CYP2J2: variants seen among roughly 807,000 people sequenced by gnomAD.
CYP2J2 encodes the protein cytochrome P450 family 2 subfamily J member 2.
A neutral mutation model predicts 48.8 loss-of-function variants in CYP2J2; 41 were observed. The ratio of observed to expected loss-of-function variants is 0.84; its 90% CI spans 0.66 to 1.09. The LOEUF (loss-of-function observed/expected upper bound fraction) is 1.09. Among genes scored for constraint, CYP2J2 ranks in the 50% least tolerant of loss-of-function variants. The probability of loss-of-function intolerance (pLI) is 0.00; values close to 1 mark genes in which losing one functional copy is unlikely to be tolerated. For synonymous variants in CYP2J2, 221 were observed against 227.1 expected (o/e 0.97, Z 0.24); for missense variants, 644 against 617.3 (o/e 1.04, Z -0.46).
the CYP2J2 span, among the ~76,000 whole-genome samples, chr1:59,962,208 T>C: frequency 1.3e-5 from 2 of 152,218 alleles, no homozygotes; most frequent in African/African-American, 4.8e-5. Context: ...AAATTTATCA[T>C]ACAGAAATTG....
chr1:59,923,282 G>C (rs1031686715), intron 1 of CYP2J2, among the ~76,000 whole-genome samples: 2 of 152,214 alleles, frequency 1.3e-5, no homozygotes, highest in Non-Finnish European at 2.9e-5. Context: ...TTTATAACCT[G>C]CATTGATATT....
chr1:59,915,500 C>T (rs1446563401), intron 2 of CYP2J2, among the ~76,000 whole-genome samples: 1 of 152,072 alleles, frequency 6.6e-6, no homozygotes, highest in Non-Finnish European at 1.5e-5. Flanking sequence ...TATCATAGAC[C>T]AGAAGGCTCA....
At chr1:59,921,587 G>T (rs1395319065) in intron 1 of CYP2J2, among the ~76,000 whole-genome samples, 1 of 151,900 alleles carries the variant, frequency 6.6e-6, no homozygotes, top group African/African-American at 2.4e-5. Flanking sequence ...ATCTTGCCAC[G>T]GCTCTTCTAG....
At chr1:59,942,909 G>A in the CYP2J2 span, among the ~76,000 whole-genome samples, 1 of 152,150 alleles carries the variant, frequency 6.6e-6, no homozygotes, top group Non-Finnish European at 1.5e-5. Flanking sequence ...TCTGAAGTAG[G>A]TACTCTTATG....
upstream of CYP2J2, among the ~76,000 whole-genome samples, chr1:59,931,181 A>G (rs970672203): frequency 1.3e-5 from 2 of 152,194 alleles, no homozygotes; most frequent in African/African-American, 4.8e-5. Flanking sequence ...TTAATGGATC[A>G]GAGCCTAGGG....
the CYP2J2 span, among the ~76,000 whole-genome samples, chr1:59,940,092 T>C: frequency 5.3e-5 from 8 of 152,178 alleles, no homozygotes. Flanking sequence ...AGCTGGAACT[T>C]AAGGTGCCAA....
intron 2 of CYP2J2, chr1:59,913,284 C>T (rs1209846623): frequency 1.3e-5 from 2 of 151,952 alleles, no homozygotes; most frequent in Non-Finnish European, 2.9e-5. Context: ...CATCTAAAAC[C>T]TCTTCTTTTT....
At chr1:59,910,106 C>T in intron 4 of CYP2J2, 146 bp from the exon 5 acceptor site, 7 of 619,528 alleles carry the variant, frequency 1.1e-5, no homozygotes, top group Non-Finnish European at 1.9e-5. Flanking sequence ...TTCTCTCTCA[C>T]CTCTCTAGCA....
chr1:59,898,556 TTTG>T lies in CYP2J2; in HGVS notation c.1330+2406_1330+2408del, dbSNP rs146493292. Among the ~76,000 whole-genome samples the T allele has an allele frequency of 9.8e-4, 150 of 152,330 alleles. No homozygotes were observed. In the East Asian group the frequency reaches 0.016, roughly 17 times the overall value. ...TTTTAAGCTGCAGAGTTTTGGACTG[TTTG>T]TTATGTAGCAATATGCTAACTGATG... On this transcript the variant is annotated intron_variant, in intron 8 of 8. Transcript: ENST00000371204.
At chr1:59,957,831 A>T in the CYP2J2 span, among the ~76,000 whole-genome samples, 3 of 152,168 alleles carry the variant, frequency 2.0e-5, no homozygotes, top group Admixed American at 2.0e-4. Flanking sequence ...ATTTCAGAGC[A>T]TTGGGGTAAA....
the CYP2J2 span, among the ~76,000 whole-genome samples, chr1:59,932,254 T>G: frequency 6.6e-6 from 1 of 152,250 alleles, no homozygotes; most frequent in East Asian, 1.9e-4. Flanking sequence ...AATCATTACT[T>G]TTACTATCAA....
chr1:59,966,083 G>A, the CYP2J2 span, among the ~76,000 whole-genome samples: 34 of 152,294 alleles, frequency 2.2e-4, no homozygotes, highest in African/African-American at 7.5e-4. Context: ...GGCTTGTAAT[G>A]TTTAAGATCT....
intron 8 of CYP2J2, among the ~76,000 whole-genome samples, chr1:59,899,593 T>C (rs1422851039): frequency 6.6e-6 from 1 of 152,176 alleles, no homozygotes; most frequent in Non-Finnish European, 1.5e-5. Flanking sequence ...GTCTGTGTAG[T>C]ATTTAGTTAT....
chr1:59,933,626 T>A, the CYP2J2 span, among the ~76,000 whole-genome samples: 222 of 152,260 alleles, frequency 1.5e-3, 1 homozygote, highest in African/African-American at 4.9e-3. Flanking sequence ...GATTATGTCA[T>A]CTGTGAACAG....
chr1:59,929,196 GC>G (rs1644591567), upstream of CYP2J2, among the ~76,000 whole-genome samples: 1 of 152,208 alleles, frequency 6.6e-6, no homozygotes, highest in Non-Finnish European at 1.5e-5. Flanking sequence ...GATGTCAGAG[GC>G]TTTACACTGT....
upstream of CYP2J2, among the ~76,000 whole-genome samples, chr1:59,930,427 A>T (rs1644597590): frequency 6.6e-6 from 1 of 152,146 alleles, no homozygotes; most frequent in Non-Finnish European, 1.5e-5. Context: ...ATCTTCTGTT[A>T]TACTATTCAT....
chr1:59,935,029 T>TACAC, the CYP2J2 span, among the ~76,000 whole-genome samples: 68 of 100,904 alleles, frequency 6.7e-4, no homozygotes, highest in African/African-American at 2.6e-3. Flanking sequence ...TATATATATA[T>TACAC]ATATATATAT....
the CYP2J2 span, among the ~76,000 whole-genome samples, chr1:59,932,865 T>C: frequency 1.3e-5 from 2 of 152,134 alleles, no homozygotes; most frequent in African/African-American, 4.8e-5. Flanking sequence ...TATGCTTGGC[T>C]AATTTCTGTA....
chr1:59,917,092 G>T (rs189267790), intron 1 of CYP2J2, among the ~76,000 whole-genome samples: 1 of 152,098 alleles, frequency 6.6e-6, no homozygotes, highest in African/African-American at 2.4e-5. Context: ...CGGCTCTTGC[G>T]GAAGTTGCTT....
Sources: gnomAD v4.1 joint callset for allele counts (sites outside exome capture counted in the v4.1 genomes callset) on GRCh38, gnomAD v4.1.1 for gene constraint, MANE v1.5 for transcripts, NCBI Gene and HGNC (gene_info 2026-07-23, HGNC 2026-07-21) for gene names.